Variants in PARD3 observed in about 807,000 individuals in gnomAD.
The protein encoded by PARD3 is partitioning defective 3 homolog.
Under a neutral mutation model 155.4 loss-of-function variants are expected in PARD3, and 75 were observed. That is an observed-to-expected ratio of 0.48 (90% CI 0.40 to 0.58). The LOEUF is 0.58. Among genes scored for constraint, PARD3 ranks in the 20% least tolerant of loss-of-function variants. The probability of loss-of-function intolerance (pLI) is 0.00; values close to 1 mark genes in which losing one functional copy is unlikely to be tolerated. For synonymous variants in PARD3, 576 were observed against 610.5 expected, an observed-to-expected ratio of 0.94 and a Z score of 0.83; for missense variants, 1,642 against 1,721.7, an observed-to-expected ratio of 0.95 and a Z score of 0.82.
intron 1 of PARD3, among the ~76,000 whole-genome samples, chr10:34,794,750 T>C (rs1842064846): frequency 1.3e-5 from 2 of 152,384 alleles, no homozygotes; most frequent in South Asian, 4.1e-4. Context: ...GAACACAAAC[T>C]ACTTCTTAAG....
chr10:34,290,775 T>C (rs1031444874), intron 20 of PARD3, among the ~76,000 whole-genome samples: 3 of 152,226 alleles, frequency 2.0e-5, no homozygotes, highest in African/African-American at 4.8e-5. Flanking sequence ...TCTTTGACCA[T>C]GGCCAGCTGT....
At chr10:34,583,173 C>T (rs1180147773) in intron 2 of PARD3, among the ~76,000 whole-genome samples, 5 of 152,150 alleles carry the variant, frequency 3.3e-5, no homozygotes, top group Non-Finnish European at 5.9e-5. Flanking sequence ...AATGCACCAA[C>T]AAATACTGAA....
chr10:34,477,131 C>A (rs2078765919), intron 3 of PARD3, among the ~76,000 whole-genome samples: 1 of 152,148 alleles, frequency 6.6e-6, no homozygotes, highest in South Asian at 2.1e-4. Flanking sequence ...TATTAATAAT[C>A]TGATGTAATT....
chr10:34,752,053 C>T (rs957603604), intron 1 of PARD3, among the ~76,000 whole-genome samples: 3 of 151,852 alleles, frequency 2.0e-5, no homozygotes, highest in African/African-American at 7.3e-5. Flanking sequence ...CATAGTTTTC[C>T]TAATTTGTTA....
intron 2 of PARD3, among the ~76,000 whole-genome samples, chr10:34,566,207 AG>A (rs944970197): frequency 4.6e-5 from 7 of 152,208 alleles, no homozygotes; most frequent in Non-Finnish European, 8.8e-5. Context: ...ATGGACAAAC[AG>A]GGGGGCTTGT....
chr10:34,310,010 A>T (rs1371850029), intron 20 of PARD3, among the ~76,000 whole-genome samples: 3 of 152,094 alleles, frequency 2.0e-5, no homozygotes, highest in African/African-American at 4.8e-5. Context: ...GGCTATTATT[A>T]AACATAGGTC....
intron 5 of PARD3, among the ~76,000 whole-genome samples, chr10:34,434,198 T>G (rs956393887): frequency 3.3e-5 from 5 of 152,078 alleles, no homozygotes; most frequent in Admixed American, 1.3e-4. Context: ...ATCTGGAGAC[T>G]AGAGTGAGTT....
chr10:34,530,878 T>C (rs984982714), intron 2 of PARD3, among the ~76,000 whole-genome samples: 2 of 152,216 alleles, frequency 1.3e-5, no homozygotes, highest in African/African-American at 2.4e-5. Context: ...CTTCAACGCC[T>C]TGAACTCCTG....
chr10:34,224,971 G>A (rs1160208641), intron 22 of PARD3, among the ~76,000 whole-genome samples: 1 of 151,996 alleles, frequency 6.6e-6, no homozygotes, highest in Admixed American at 6.6e-5. Flanking sequence ...CATTGTTGTT[G>A]TTGTTTCAAA....
intron 2 of PARD3, among the ~76,000 whole-genome samples, chr10:34,636,167 T>C (rs1028959543): frequency 1.3e-5 from 2 of 152,164 alleles, no homozygotes; most frequent in South Asian, 2.1e-4. Flanking sequence ...GCCTGAAGGA[T>C]AGATTTACGC....
At position 34,355,077 on chromosome 10, in the gene PARD3, C is replaced by T. The variant is rs760784914; in HGVS notation, c.2067+4070G>A. On this transcript the variant is annotated intron_variant, in intron 14 of 24. Coordinates refer to ENST00000374788, the MANE Select transcript of PARD3 (RefSeq NM_001184785.2). ...TAGGCCAGGCGCAGTGGCTCACAGG[C>T]GTAATTCCAGCACTTTAGGAAGCTG... 1.3e-3 allele frequency among the ~76,000 whole-genome samples: 198 copies of T among 151,938 alleles called. 3 individuals are homozygous for T. Among genetic ancestry groups the T allele is most frequent in the Non-Finnish European group, 4.1e-4 (28 of 67,968 alleles).
intron 2 of PARD3, among the ~76,000 whole-genome samples, chr10:34,553,569 G>C (rs2084762124): frequency 6.6e-6 from 1 of 152,182 alleles, no homozygotes; most frequent in Non-Finnish European, 1.5e-5. Context: ...GCACATGCAA[G>C]GTACTGGCAT....
At chr10:34,666,814 T>C (rs866976264) in intron 2 of PARD3, among the ~76,000 whole-genome samples, 1,337 of 92,076 alleles carry the variant, frequency 0.015, 52 homozygotes, top group African/African-American at 0.06. Flanking sequence ...TATATATATA[T>C]ATACACACAC....
Position 34,789,809 on chromosome 10 carries a change from G to T in PARD3, c.120+25067C>A, listed in dbSNP as rs75328748. Reference sequence around the variant, plus strand: ...TGCTCTTTTGTAGATTATTCTGGGTGGTAAGAATATGGGTGTTTACTATCT... The same window carrying T: ...TGCTCTTTTGTAGATTATTCTGGGTTGTAAGAATATGGGTGTTTACTATCT... On this transcript the variant is annotated intron_variant, in intron 1 of 24. Coordinates refer to ENST00000374788, the MANE Select transcript of PARD3 (RefSeq NM_001184785.2). 2.0e-5 allele frequency among the ~76,000 whole-genome samples: 3 copies of T among 152,126 alleles called. No individual in the cohort carries two copies. The East Asian group carries it at 5.8e-4, about 29-fold the overall frequency.
At chr10:34,286,437 G>A (rs536481132) in intron 20 of PARD3, among the ~76,000 whole-genome samples, 3 of 152,232 alleles carry the variant, frequency 2.0e-5, no homozygotes, top group Non-Finnish European at 2.9e-5. Flanking sequence ...CAGGACTGAC[G>A]GGGAGGGTGA....
intron 1 of PARD3, among the ~76,000 whole-genome samples, chr10:34,805,305 C>T (rs975457740): frequency 3.3e-5 from 5 of 152,028 alleles, no homozygotes; most frequent in African/African-American, 4.8e-5. Flanking sequence ...TGCAGTGAGC[C>T]GAGACTCTGC....
At chr10:34,500,872 A>C (rs2080651390) in intron 3 of PARD3, among the ~76,000 whole-genome samples, 1 of 152,228 alleles carries the variant, frequency 6.6e-6, no homozygotes, top group South Asian at 2.1e-4. Context: ...AGAGAGTACC[A>C]GTGAAAGAAT....
intron 22 of PARD3, among the ~76,000 whole-genome samples, chr10:34,252,801 G>T (rs1356937855): frequency 6.6e-6 from 1 of 151,768 alleles, no homozygotes; most frequent in African/African-American, 2.4e-5. Context: ...ACATTTTCAA[G>T]AACGGACTAG....
At chr10:34,532,263 C>T (rs888258929) in intron 2 of PARD3, among the ~76,000 whole-genome samples, 6 of 152,052 alleles carry the variant, frequency 3.9e-5, no homozygotes, top group Admixed American at 1.3e-4. Context: ...CCTTATCTCG[C>T]TACATAGTTC....
Sources: gnomAD v4.1 joint callset for allele counts (sites outside exome capture counted in the v4.1 genomes callset) on GRCh38, gnomAD v4.1.1 for gene constraint, MANE v1.5 for transcripts, NCBI Gene and HGNC (gene_info 2026-07-23, HGNC 2026-07-21) for gene names.